The following MITF variants were observed in gnomAD, a reference collection of about 807,000 sequenced individuals.
MITF encodes the protein melanocyte inducing transcription factor.
In MITF, 17 loss-of-function variants were observed where a neutral mutation model predicts 60.5. That is an observed-to-expected ratio of 0.28 (90% CI 0.19 to 0.42). The LOEUF is 0.42. Ranked by LOEUF, MITF falls within the 10% of genes least tolerant of loss-of-function variation. The probability of loss-of-function intolerance (pLI) is 1.00; values close to 1 mark genes in which losing one functional copy is unlikely to be tolerated. For synonymous variants in MITF, 260 were observed against 248.5 expected (o/e 1.05, Z -0.43); for missense variants, 622 against 683.5 (o/e 0.91, Z 1.00).
rs183370423 is a variant in MITF, at chr3:69,753,176, A to G, written c.104+13475A>G. Among the ~76,000 whole-genome samples the G allele has an allele frequency of 2.4e-3, 364 of 152,308 alleles. 2 individuals are homozygous for G. Among genetic ancestry groups the G allele is most frequent in the South Asian group, 0.022 (104 of 4,828 alleles). The stretch of plus-strand genomic sequence containing the variant: ...CATCCTAGTTGCTCCAGATCCAGCT[A>G]TGGCTCATAGAGGCCCAGGTTACAC... On this transcript the variant is annotated intron_variant, in intron 1 of 9. Coordinates refer to ENST00000352241, the MANE Select transcript of MITF (RefSeq NM_001354604.2).
chr3:69,839,946 G>A (rs1240836918), intron 1 of MITF, among the ~76,000 whole-genome samples: 1 of 152,056 alleles, frequency 6.6e-6, no homozygotes, highest in Non-Finnish European at 1.5e-5. Flanking sequence ...TGTGAAGTGG[G>A]AGGTTAATGT....
chr3:69,930,480 C>T (rs545314840), intron 2 of MITF, among the ~76,000 whole-genome samples: 2 of 152,296 alleles, frequency 1.3e-5, no homozygotes, highest in Non-Finnish European at 2.9e-5. Flanking sequence ...GCTGGAATGC[C>T]GTTCCTGCCA....
chr3:69,793,031 T>TTTTTTTC (rs2062767531), intron 1 of MITF, among the ~76,000 whole-genome samples: 1 of 102,598 alleles, frequency 9.7e-6, no homozygotes, highest in African/African-American at 3.3e-5. Context: ...TTTTTTTTTT[T>TTTTTTTC]AAACAGGGTC....
At chr3:69,858,892 A>T (rs1007012524) in intron 1 of MITF, among the ~76,000 whole-genome samples, 2 of 152,116 alleles carry the variant, frequency 1.3e-5, no homozygotes, top group African/African-American at 4.8e-5. Flanking sequence ...TTACCTAACA[A>T]TGTTTTGAAA....
chr3:69,958,433 T>C (rs1211556499), intron 8 of MITF, among the ~76,000 whole-genome samples: 1 of 152,178 alleles, frequency 6.6e-6, no homozygotes, highest in African/African-American at 2.4e-5. Flanking sequence ...ACTTCTGTGT[T>C]GTTCTTCATG....
At chr3:69,801,382 A>G (rs1381639010) in intron 1 of MITF, among the ~76,000 whole-genome samples, 1 of 152,198 alleles carries the variant, frequency 6.6e-6, no homozygotes, top group Non-Finnish European at 1.5e-5. Flanking sequence ...TGAATTTTTC[A>G]TTGTAAACTG....
chr3:69,934,078 A>C, intron 2 of MITF, among the ~76,000 whole-genome samples: 1 of 152,132 alleles, frequency 6.6e-6, no homozygotes, highest in Non-Finnish European at 1.5e-5. Flanking sequence ...ACCTGTCCAC[A>C]GTGGGGAGTG....
At chr3:69,938,085 T>C in intron 3 of MITF, 36 bp downstream of exon 3, 1 of 1,593,852 alleles carries the variant, frequency 6.3e-7, no homozygotes, top group Non-Finnish European at 8.6e-7. Context: ...TGTTTTCTTA[T>C]GCTAAATAAC....
rs4619787 is a variant in MITF at position 69,815,278 on chromosome 3, G to A, written c.105-63856G>A. On this transcript the variant is annotated intron_variant, in intron 1 of 9. Transcript: ENST00000352241. ...GCAACCCAGGCCTACCAAGTTAACC[G>A]TTTCCTGCTCACATTGTCTAGTAAT... is the stretch of plus-strand genomic sequence containing the variant. Among the ~76,000 whole-genome samples the A allele has an allele frequency of 6.8e-3, 1,037 of 152,212 alleles. 9 individuals are homozygous for A. Among genetic ancestry groups the A allele is most frequent in the African/African-American group, 0.023 (967 of 41,538 alleles).
At chr3:69,784,602 C>T (rs534973402) in intron 1 of MITF, among the ~76,000 whole-genome samples, 2 of 152,192 alleles carry the variant, frequency 1.3e-5, no homozygotes, top group East Asian at 3.9e-4. Context: ...TAAATTCCCT[C>T]CCTCCTTCCC....
intron 1 of MITF, among the ~76,000 whole-genome samples, chr3:69,848,954 CTTCTTTT>C (rs2063777447): frequency 8.6e-6 from 1 of 116,234 alleles, no homozygotes; most frequent in African/African-American, 3.2e-5. Context: ...GGCAAAGATT[CTTCTTTT>C]TTTTTTTTTT....
intron 1 of MITF, among the ~76,000 whole-genome samples, chr3:69,757,997 ATGTGTGTGTGTGTG>A (rs60250386): frequency 0.011 from 1,237 of 116,044 alleles, 22 homozygotes; most frequent in African/African-American, 0.037. Flanking sequence ...ACCCTAGGGC[ATGTGTGTGTGTGTG>A]TGTGTGTGTG....
chr3:69,769,459 G>A (rs982858540), intron 1 of MITF: 13 of 122,150 alleles, frequency 1.1e-4, no homozygotes, highest in Non-Finnish European at 1.8e-4. Context: ...TGTAGTCGTT[G>A]CTATGTGATT....
chr3:69,829,892 G>T (rs1358394470), intron 1 of MITF, among the ~76,000 whole-genome samples: 2 of 152,170 alleles, frequency 1.3e-5, no homozygotes, highest in African/African-American at 4.8e-5. Context: ...TCCCAGTTTG[G>T]TGATGACAGT....
In MITF at chr3:69,866,130, T is replaced by C. The variant is rs2064109728; in HGVS notation, c.105-13004T>C. On this transcript the variant is annotated intron_variant, in intron 1 of 9. Transcript: ENST00000352241. ...GGTACTGGATTAAACAGGTCTGCTG[T>C]TGCAGACAGAAACCAGGCACCGTTC... The C allele has an allele frequency of 3.7e-6, 5 of 1,342,746 alleles. No individual in the cohort carries two copies. The African/African-American group carries it at 4.4e-5, about 12-fold the overall frequency. 83.2% of individuals were successfully genotyped at this position (1,342,746 alleles called of 1,614,324 possible). A position where few individuals can be genotyped will look rare whatever the true frequency, so the allele number is the denominator to read the frequency against.
At chr3:69,955,436 A>T (rs754161151) in intron 7 of MITF, among the ~76,000 whole-genome samples, 1 of 152,158 alleles carries the variant, frequency 6.6e-6, no homozygotes, top group Non-Finnish European at 1.5e-5. Context: ...TGTAAATTAT[A>T]TTATATTTCT....
rs1193602968 is a variant in MITF at position 69,965,225 on chromosome 3, G to A, written c.1558G>A (p.Glu520Lys). 6.2e-7 allele frequency: 1 copy of A among 1,613,928 alleles called. No homozygotes were observed. The highest frequency in any genetic ancestry group is 8.5e-7 in the Non-Finnish European group (1 of 1,179,846). Residue 520 changes from glutamate to lysine, a missense_variant, in exon 10 of 10, where the codon GAA becomes AAA. Transcript: ENST00000352241. ...CAGCCGGAGGAGCAGTATGAGCATG[G>A]AAGAGACGGAGCACACTTGTTAGCG... Reference protein sequence around the residue: ...TSSRRSSMSMEETEHTC With the variant: ...TSSRRSSMSMKETEHTC
chr3:69,960,310 T>G (rs1367958328), intron 9 of MITF, among the ~76,000 whole-genome samples: 1 of 152,178 alleles, frequency 6.6e-6, no homozygotes, highest in East Asian at 1.9e-4. Context: ...TATCTTTAAC[T>G]TAAACTATAC....
intron 1 of MITF, among the ~76,000 whole-genome samples, chr3:69,802,039 T>G (rs1301363112): frequency 6.6e-6 from 1 of 152,134 alleles, no homozygotes; most frequent in Non-Finnish European, 1.5e-5. Flanking sequence ...CAACCATTAC[T>G]TGAGGAAAGT....
Sources: gnomAD v4.1 joint callset for allele counts (sites outside exome capture counted in the v4.1 genomes callset) on GRCh38, gnomAD v4.1.1 for gene constraint, MANE v1.5 for transcripts, NCBI Gene and HGNC (gene_info 2026-07-23, HGNC 2026-07-21) for gene names.